EDNRB: variants seen among roughly 807,000 people sequenced by gnomAD.
EDNRB encodes the protein Hirschsprung disease 2.
EDNRB carries 18 observed loss-of-function variants against 46.4 expected under a neutral mutation model. The observed-to-expected ratio is 0.39, with a 90% CI of 0.27 to 0.57. EDNRB has a LOEUF of 0.57. Among genes scored for constraint, EDNRB ranks in the 20% least tolerant of loss-of-function variants. The probability of loss-of-function intolerance (pLI) is 0.61; values close to 1 mark genes in which losing one functional copy is unlikely to be tolerated. For missense variants in EDNRB, 434 were observed against 537.5 expected (o/e 0.81, Z 1.90); for synonymous variants, 213 against 204.9 (o/e 1.04, Z -0.34).
At chr13:77,901,711 T>C (rs1350764762) in intron 3 of EDNRB, among the ~76,000 whole-genome samples, 1 of 152,050 alleles carries the variant, frequency 6.6e-6, no homozygotes, top group Non-Finnish European at 1.5e-5. Flanking sequence ...TTTTGACTTA[T>C]GTCGTATCTC....
intron 1 of EDNRB, among the ~76,000 whole-genome samples, chr13:77,935,832 G>A (rs963252502): frequency 6.6e-6 from 1 of 152,206 alleles, no homozygotes; most frequent in Non-Finnish European, 1.5e-5. Context: ...CAGAATAATG[G>A]ATTGTGGAGG....
At chr13:77,937,501 T>C (rs1170149223) in intron 1 of EDNRB, among the ~76,000 whole-genome samples, 1 of 152,158 alleles carries the variant, frequency 6.6e-6, no homozygotes, top group Admixed American at 6.5e-5. Flanking sequence ...TGTATATATT[T>C]AATGGGGTCT....
At chr13:77,939,417 A>G (rs1030398311) in intron 1 of EDNRB, 10 of 152,178 alleles carry the variant, frequency 6.6e-5, no homozygotes, top group Admixed American at 2.0e-4. Context: ...GGCACTTTAA[A>G]CTTGTTTGAT....
intron 1 of EDNRB, among the ~76,000 whole-genome samples, chr13:77,957,387 C>G (rs773903523): frequency 2.0e-5 from 3 of 152,120 alleles, no homozygotes; most frequent in Non-Finnish European, 4.4e-5. Context: ...GCAGGCAAAT[C>G]TTGGTATTTA....
intron 1 of EDNRB, among the ~76,000 whole-genome samples, chr13:77,959,920 C>G (rs936897219): frequency 6.6e-6 from 1 of 152,082 alleles, no homozygotes; most frequent in South Asian, 2.1e-4. Context: ...ATTCCATCAA[C>G]TGGAAGAAAG....
At chr13:77,973,929 C>CT (rs1188792006) in intron 1 of EDNRB, among the ~76,000 whole-genome samples, 1 of 138,058 alleles carries the variant, frequency 7.2e-6, no homozygotes, top group Non-Finnish European at 1.5e-5. Flanking sequence ...TCTGCCCCCC[C>CT]TTTTTTCCTT....
At chr13:77,966,021 T>C (rs1881570613) in intron 1 of EDNRB, among the ~76,000 whole-genome samples, 1 of 152,088 alleles carries the variant, frequency 6.6e-6, no homozygotes, top group Non-Finnish European at 1.5e-5. Flanking sequence ...AGACTGCAGG[T>C]GTGTGTCACC....
intron 1 of EDNRB, among the ~76,000 whole-genome samples, chr13:77,961,165 A>T (rs1446891586): frequency 6.6e-6 from 1 of 152,126 alleles, no homozygotes; most frequent in Non-Finnish European, 1.5e-5. Context: ...ATACCCAGGA[A>T]TTGAACTCAG....
intron 1 of EDNRB, among the ~76,000 whole-genome samples, chr13:77,949,298 C>T (rs1318316323): frequency 2.0e-5 from 3 of 152,162 alleles, no homozygotes; most frequent in African/African-American, 7.2e-5. Flanking sequence ...CTGGACAGCC[C>T]TTGTTAATGA....
chr13:77,899,626 G>A, intron 6 of EDNRB: 1 of 463,256 alleles, frequency 2.2e-6, no homozygotes, highest in Non-Finnish European at 3.9e-6. Context: ...ACAATTCCAT[G>A]AGTGTAACTG....
chr13:77,955,230 G>A lies in EDNRB; in HGVS notation c.-52+20117C>T, dbSNP rs566953001. 1.3e-5 allele frequency among the ~76,000 whole-genome samples: 2 copies of A among 152,200 alleles called. 1 individual carries two copies. The highest frequency in any genetic ancestry group is 4.1e-4 in the South Asian group (2 of 4,824). On this transcript the variant is annotated intron_variant, in intron 1 of 7. Transcript: ENST00000646948. ...TTTGCATTTCCCTAATGATTAGTGA[G>A]GTTGAGAATCTTTTCATATACCTGT... is the stretch of plus-strand genomic sequence containing the variant.
chr13:77,908,167 A>G (rs17068547), intron 1 of EDNRB, among the ~76,000 whole-genome samples: 32,661 of 151,484 alleles, frequency 0.22, 4,022 homozygotes, highest in East Asian at 0.56. Context: ...TGCTTCCATT[A>G]TTTTGTAGTG....
intron 1 of EDNRB, among the ~76,000 whole-genome samples, chr13:77,907,244 C>T (rs1879327136): frequency 6.6e-6 from 1 of 151,886 alleles, no homozygotes; most frequent in Non-Finnish European, 1.5e-5. Flanking sequence ...GATTGCCTTA[C>T]CCTAGGTGGG....
intron 1 of EDNRB, among the ~76,000 whole-genome samples, chr13:77,934,682 G>GC (rs1376849958): frequency 2.1e-5 from 3 of 142,834 alleles, no homozygotes; most frequent in Non-Finnish European, 4.5e-5. Context: ...GTAGGAAAGG[G>GC]GGGGGGGGGC....
At position 77,910,179 on chromosome 13, in the gene EDNRB, A is replaced by T. The variant is rs185556386; in HGVS notation, c.484-6572T>A. On this transcript the variant is annotated intron_variant, in intron 1 of 6. Coordinates refer to ENST00000646607, the MANE Select transcript of EDNRB (RefSeq NM_001122659.3). ...TTGTAAGAGATGATTGTTTTAGAGG[A>T]TGAGTGAGTGGTGTAATTAAGAGGA... 2.6e-5 allele frequency among the ~76,000 whole-genome samples: 4 copies of T among 152,088 alleles called. No individual in the cohort carries two copies. In the East Asian group the frequency reaches 7.8e-4, roughly 30 times the overall value.
intron 1 of EDNRB, among the ~76,000 whole-genome samples, chr13:77,941,721 G>A (rs1594387844): frequency 6.6e-6 from 1 of 152,196 alleles, no homozygotes; most frequent in Non-Finnish European, 1.5e-5. Flanking sequence ...AAGTTGGACA[G>A]TAGGACAGGG....
At chr13:77,957,058 A>T (rs1881261936) in intron 1 of EDNRB, among the ~76,000 whole-genome samples, 1 of 152,238 alleles carries the variant, frequency 6.6e-6, no homozygotes, top group South Asian at 2.1e-4. Flanking sequence ...ATTTGTGTGA[A>T]TAATCTTTTT....
chr13:77,974,237 T>C (rs955081300), intron 1 of EDNRB, among the ~76,000 whole-genome samples: 1 of 152,166 alleles, frequency 6.6e-6, no homozygotes, highest in Admixed American at 6.5e-5. Flanking sequence ...ACTTTTTTGC[T>C]TTTTTGATTT....
chr13:77,931,451 G>A (rs9574124), intron 1 of EDNRB, among the ~76,000 whole-genome samples: 3 of 151,802 alleles, frequency 2.0e-5, no homozygotes, highest in East Asian at 1.9e-4. Flanking sequence ...GTAGCTGATC[G>A]GTGGGGGAAT....
Sources: gnomAD v4.1 joint callset for allele counts (sites outside exome capture counted in the v4.1 genomes callset) on GRCh38, gnomAD v4.1.1 for gene constraint, MANE v1.5 for transcripts, NCBI Gene and HGNC (gene_info 2026-07-23, HGNC 2026-07-21) for gene names.